The following CREB5 variants were observed in gnomAD, a reference collection of about 807,000 sequenced individuals.
CREB5 encodes cyclic AMP-responsive element-binding protein 5.
In CREB5, 19 loss-of-function variants were observed where a neutral mutation model predicts 57.1. The observed-to-expected ratio is 0.33, with a 90% CI of 0.23 to 0.49. CREB5 has a LOEUF of 0.49. Among genes scored for constraint, CREB5 ranks in the 20% least tolerant of loss-of-function variants. The probability of loss-of-function intolerance (pLI) is 0.99; values close to 1 mark genes in which losing one functional copy is unlikely to be tolerated. For synonymous variants in CREB5, 238 were observed against 238.3 expected (o/e 1.00, Z 0.01); for missense variants, 579 against 671.6 (o/e 0.86, Z 1.52).
At chr7:28,674,832 A>C (rs1379947562) in intron 5 of CREB5, among the ~76,000 whole-genome samples, 1 of 152,246 alleles carries the variant, frequency 6.6e-6, no homozygotes, top group Non-Finnish European at 1.5e-5. Context: ...AAATCAGATT[A>C]TGCTAGTCCC....
At chr7:28,612,691 G>T (rs1015321031) in intron 5 of CREB5, among the ~76,000 whole-genome samples, 3 of 151,962 alleles carry the variant, frequency 2.0e-5, no homozygotes, top group Non-Finnish European at 4.4e-5. Flanking sequence ...TCTAATGTAT[G>T]CTATAGCTTT....
chr7:28,729,832 C>A (rs543092515), intron 7 of CREB5, among the ~76,000 whole-genome samples: 1 of 152,312 alleles, frequency 6.6e-6, no homozygotes, highest in East Asian at 1.9e-4. Flanking sequence ...TGCCAGCAGC[C>A]ATGTGACCCT....
intron 5 of CREB5, among the ~76,000 whole-genome samples, chr7:28,601,863 A>AT (rs1438353449): frequency 6.6e-6 from 1 of 152,186 alleles, no homozygotes; most frequent in Admixed American, 6.6e-5. Context: ...AAGCATTACT[A>AT]TAGTTAGGTT....
At chr7:28,724,748 C>T (rs1300222633) in intron 7 of CREB5, 1 of 154,434 alleles carries the variant, frequency 6.5e-6, no homozygotes, top group Non-Finnish European at 1.4e-5. Context: ...TAAACACACA[C>T]TGGTATGAAA....
At chr7:28,541,505 A>G (rs578188744) in intron 4 of CREB5, among the ~76,000 whole-genome samples, 23 of 152,230 alleles carry the variant, frequency 1.5e-4, no homozygotes, top group African/African-American at 5.3e-4. Flanking sequence ...TGTCTCTACT[A>G]AAAATACAAA....
At chr7:28,309,032 C>T (rs752104298) in intron 1 of CREB5, among the ~76,000 whole-genome samples, 8 of 152,140 alleles carry the variant, frequency 5.3e-5, no homozygotes, top group East Asian at 1.9e-4. Flanking sequence ...GAGAATTCTA[C>T]AGCAGACTGT....
intron 1 of CREB5, among the ~76,000 whole-genome samples, chr7:28,318,038 A>G (rs975022589): frequency 3.9e-5 from 6 of 152,244 alleles, no homozygotes; most frequent in African/African-American, 1.4e-4. Context: ...CAATATTCCC[A>G]AATTTCCAAT....
chr7:28,528,704 CA>C (rs778154325), intron 4 of CREB5, among the ~76,000 whole-genome samples: 11,279 of 58,502 alleles, frequency 0.19, 449 homozygotes, highest in South Asian at 0.25. Flanking sequence ...AACTCCATCT[CA>C]AAAAAAAAAA....
chr7:28,759,477 T>A (rs1805524828), intron 7 of CREB5, among the ~76,000 whole-genome samples: 1 of 152,148 alleles, frequency 6.6e-6, no homozygotes, highest in Admixed American at 6.5e-5. Context: ...TCTTTGTGGG[T>A]TTTACAGTAG....
chr7:28,525,955 A>C (rs1031508935), intron 4 of CREB5, among the ~76,000 whole-genome samples: 25 of 152,290 alleles, frequency 1.6e-4, no homozygotes, highest in African/African-American at 5.3e-4. Context: ...GTTCTCGATA[A>C]TTCTAATTCT....
chr7:28,773,806 G>C (rs1298683740), intron 7 of CREB5, among the ~76,000 whole-genome samples: 4 of 152,182 alleles, frequency 2.6e-5, no homozygotes, highest in African/African-American at 9.7e-5. Flanking sequence ...GAAGGACTTA[G>C]GGAACACTTA....
upstream of CREB5, chr7:28,410,041 G>C (rs780765178): frequency 1.1e-5 from 5 of 442,556 alleles, no homozygotes; most frequent in Non-Finnish European, 2.3e-5. Flanking sequence ...CGGGCGCGGC[G>C]AGGACGCCGG....
chr7:28,381,455 T>G (rs1327573728), intron 1 of CREB5, among the ~76,000 whole-genome samples: 1 of 152,158 alleles, frequency 6.6e-6, no homozygotes, highest in Non-Finnish European at 1.5e-5. Context: ...TTCCCAGAGC[T>G]CCTCAAAATA....
chr7:28,472,384 AT>A (rs754029227), intron 1 of CREB5, among the ~76,000 whole-genome samples: 2 of 152,244 alleles, frequency 1.3e-5, no homozygotes, highest in Non-Finnish European at 2.9e-5. Flanking sequence ...CCTCAAAAAA[AT>A]CTATGACATA....
intron 4 of CREB5, among the ~76,000 whole-genome samples, chr7:28,528,703 T>TAA (rs1793572269): frequency 2.8e-5 from 1 of 35,240 alleles, no homozygotes; most frequent in Non-Finnish European, 5.1e-5. Flanking sequence ...AAACTCCATC[T>TAA]CAAAAAAAAA....
chr7:28,658,061 A>G (rs1799406547), intron 5 of CREB5, among the ~76,000 whole-genome samples: 1 of 152,194 alleles, frequency 6.6e-6, no homozygotes, highest in African/African-American at 2.4e-5. Context: ...GACCATGAGC[A>G]TCGTTTATTC....
intron 4 of CREB5, among the ~76,000 whole-genome samples, chr7:28,531,807 G>A (rs919485425): frequency 2.0e-5 from 3 of 152,066 alleles, no homozygotes; most frequent in Admixed American, 2.0e-4. Flanking sequence ...GAGGTGGGCA[G>A]ATCACGAGGT....
intron 7 of CREB5, among the ~76,000 whole-genome samples, chr7:28,758,261 A>G (rs1805455259): frequency 6.6e-6 from 1 of 152,150 alleles, no homozygotes; most frequent in African/African-American, 2.4e-5. Flanking sequence ...GCCTCTCAGG[A>G]TGTTCACATA....
At chr7:28,486,340 G>A (rs11983020) in intron 1 of CREB5, among the ~76,000 whole-genome samples, 36,503 of 151,642 alleles carry the variant, frequency 0.24, 5,153 homozygotes, top group African/African-American at 0.4. Flanking sequence ...ACAAAGTACA[G>A]TATAATTGGT....
Sources: allele counts gnomAD v4.1 joint callset (sites outside exome capture counted in the v4.1 genomes callset), GRCh38; gene constraint gnomAD v4.1.1; transcripts MANE v1.5; gene names NCBI Gene and HGNC (gene_info 2026-07-23, HGNC 2026-07-21).